Variants in MRI1 observed in about 807,000 individuals in gnomAD.
MRI1 encodes methylthioribose-1-phosphate isomerase 1, also known as methylthioribose-1-phosphate isomerase.
A neutral mutation model predicts 27.3 loss-of-function variants in MRI1; 32 were observed. The ratio of observed to expected loss-of-function variants is 1.17; its 90% CI spans 0.88 to 1.57. The LOEUF (loss-of-function observed/expected upper bound fraction) is 1.57. Ranked by LOEUF, MRI1 falls within the 40% of genes most tolerant of loss-of-function variation. The probability of loss-of-function intolerance (pLI) is 0.00; values close to 1 mark genes in which losing one functional copy is unlikely to be tolerated. For missense variants in MRI1, 508 were observed against 516.1 expected (o/e 0.98, Z 0.15); for synonymous variants, 216 against 227.4 (o/e 0.95, Z 0.45).
chr19:13,771,882 A>G (rs1037548183), intron 5 of MRI1, among the ~76,000 whole-genome samples: 3 of 152,180 alleles, frequency 2.0e-5, no homozygotes, highest in Non-Finnish European at 4.4e-5. Context: ...AATAAGTGGC[A>G]TAGATGTGTA....
At chr19:13,769,664 G>A (rs1488181392) in intron 5 of MRI1, among the ~76,000 whole-genome samples, 2 of 152,074 alleles carry the variant, frequency 1.3e-5, no homozygotes, top group South Asian at 2.1e-4. Context: ...GCTCACACCT[G>A]TAATCCCAGC....
chr19:13,774,167 C>A lies in MRI1; in HGVS notation c.*1886C>A, dbSNP rs942260972. 4.1e-5 allele frequency: 12 copies of A among 289,266 alleles called. No homozygotes were observed. The highest frequency in any genetic ancestry group is 7.7e-5 in the Non-Finnish European group (12 of 156,430). 17.9% of individuals were successfully genotyped at this position (289,266 alleles called of 1,614,324 possible). A position where few individuals can be genotyped will look rare whatever the true frequency, so the allele number is the denominator to read the frequency against. On this transcript the variant is annotated 3_prime_UTR_variant, in exon 6 of 6. Coordinates refer to ENST00000040663, the MANE Select transcript of MRI1 (RefSeq NM_001031727.4). ...TTTTTGAACCTTCTTAAATTCTGTA[C>A]CAGAGGTGAGTGCCACACCCTAACC... is the stretch of plus-strand genomic sequence containing the variant.
chr19:13,764,534 A>T lies in MRI1; in HGVS notation c.-55A>T. 6.3e-7 allele frequency: 1 copy of T among 1,586,944 alleles called. No individual in the cohort carries two copies. The highest frequency in any genetic ancestry group is 8.6e-7 in the Non-Finnish European group (1 of 1,168,164). On this transcript the variant is annotated 5_prime_UTR_variant, in exon 1 of 6. It adds an upstream start codon to the 5' untranslated region. Coordinates refer to ENST00000040663, the MANE Select transcript of MRI1 (RefSeq NM_001031727.4). ...CGCCCACGGCCCCGCCCCGCTCCCA[A>T]GTGCGCGCGGACCCCTAGCTCCCTC...
At chr19:13,769,604 C>G (rs1408782682) in intron 5 of MRI1, among the ~76,000 whole-genome samples, 1 of 152,256 alleles carries the variant, frequency 6.6e-6, no homozygotes, top group African/African-American at 2.4e-5. Context: ...ATAAGAATAT[C>G]TGGCTGGCCA....
Position 13,768,898 on chromosome 19 carries a change from A to G in MRI1, c.799A>G (p.Ile267Val), listed in dbSNP as rs1312246839. 3 of 1,614,066 alleles carry G rather than the reference A, an allele frequency of 1.9e-6. No individual in the cohort carries two copies. The highest frequency in any genetic ancestry group is 2.2e-5 in the South Asian group (2 of 91,084). The change falls in exon 5 of 6, where the codon ATT becomes GTT. Residue 267 changes from isoleucine (I) to valine (V), a missense_variant. Physicochemically the swap from Ile to Val is conservative, Grantham distance 29. Coordinates refer to ENST00000040663, the MANE Select transcript of MRI1 (RefSeq NM_001031727.4). ...ANKVGTYQLA[I>V]VAKHHGIPFY... ...CAAGGTGGGCACCTACCAGCTGGCCATTGTCGCCAAGCACCATGGCATTCC... is the reference window on the plus strand; with the variant it reads ...CAAGGTGGGCACCTACCAGCTGGCCGTTGTCGCCAAGCACCATGGCATTCC...
chr19:13,769,025 A>G lies in MRI1; in HGVS notation c.926A>G (p.Asn309Ser). ...CCGGGCCAGGAGCTGACCGATGTTA[A>G]TGGGGTCCGGATTGCAGCACCTGGT... ...ERPGQELTDV[N>S]GVRIAAPGIG... is the part of the protein sequence containing the mutation. Residue 309 changes from asparagine to serine, a missense_variant, in exon 5 of 6, where the codon AAT (asparagine) becomes AGT (serine). Transcript: ENST00000040663. 1 of 1,612,846 alleles carries G rather than the reference A, an allele frequency of 6.2e-7. No homozygotes were observed. The highest frequency in any genetic ancestry group is 1.1e-5 in the South Asian group (1 of 90,910).
intron 5 of MRI1, among the ~76,000 whole-genome samples, chr19:13,769,919 C>CAA (rs796381451): frequency 7.7e-6 from 1 of 130,578 alleles, no homozygotes; most frequent in African/African-American, 2.8e-5. Context: ...GATTCTGTCT[C>CAA]AAAAAAAAAA....
At position 13,765,973 on chromosome 19, in the gene MRI1, G is replaced by GA. The variant is rs958782128; in HGVS notation, c.392dup (p.Asp131GlufsTer39). On this transcript the variant is annotated frameshift_variant, in exon 3 of 6. Coordinates refer to ENST00000040663, the MANE Select transcript of MRI1 (RefSeq NM_001031727.4). LOFTEE classifies it high-confidence loss of function. ...CCCCAGAGTGATCTGCTGCACCGAGGACATGCTGGAGAAAGACCTCAGAGA... is the reference window on the plus strand; with the variant it reads ...CCCCAGAGTGATCTGCTGCACCGAGGAACATGCTGGAGAAAGACCTCAGAGA... 1.9e-6 allele frequency: 3 copies of GA among 1,607,620 alleles called. No individual in the cohort carries two copies. The African/African-American group carries it at 4.0e-5, about 22-fold the overall frequency.
At chr19:13,765,843 T>G in intron 2 of MRI1, 111 bp from the exon 3 acceptor site, 13 of 1,240,764 alleles carry the variant, frequency 1.0e-5, no homozygotes, top group Non-Finnish European at 1.3e-5. Context: ...CCCACAGCAA[T>G]GAGAGGCTTT....
intron 3 of MRI1, among the ~76,000 whole-genome samples, chr19:13,767,006 C>CATAT (rs1491354474): frequency 1.4e-5 from 1 of 69,562 alleles, no homozygotes; most frequent in Admixed American, 1.8e-4. Context: ...TATGCACATC[C>CATAT]ACATATATAT....
intron 2 of MRI1, among the ~76,000 whole-genome samples, 177 bp from the exon 3 acceptor site, chr19:13,765,777 T>C (rs1288850787): frequency 6.6e-6 from 1 of 152,220 alleles, no homozygotes; most frequent in Non-Finnish European, 1.5e-5. Context: ...GGTAAACATG[T>C]CTTTGCATGA....
intron 3 of MRI1, among the ~76,000 whole-genome samples, chr19:13,767,972 C>T (rs1407840658): frequency 6.8e-6 from 1 of 148,134 alleles, no homozygotes; most frequent in African/African-American, 2.5e-5. Flanking sequence ...AGGTTCACGC[C>T]ATTCTCCTGC....
At position 13,769,961 on chromosome 19, in the gene MRI1, T is replaced by C. The variant is rs562656548; in HGVS notation, c.949+913T>C. ...AGAAAAAGCAAGATATTTCTACACTTATTTTTATTTGTTTATTTTCATAGA... is the reference window on the plus strand; with the variant it reads ...AGAAAAAGCAAGATATTTCTACACTCATTTTTATTTGTTTATTTTCATAGA... On this transcript the variant is annotated intron_variant, in intron 5 of 5. Transcript: ENST00000040663. Among the ~76,000 whole-genome samples, 24 of 152,080 alleles carry C rather than the reference T, an allele frequency of 1.6e-4. No homozygotes were observed. The South Asian group carries it at 5.0e-3, about 32-fold the overall frequency.
chr19:13,768,588 G>T lies in MRI1; in HGVS notation c.575G>T (p.Gly192Val). The T allele has an allele frequency of 6.2e-7, 1 of 1,610,096 alleles. No homozygotes were observed. Among genetic ancestry groups the T allele is most frequent in the Non-Finnish European group, 8.5e-7 (1 of 1,178,696 alleles). The change falls in exon 4 of 6, where the codon GGC becomes GTC. Residue 192 changes from glycine (G) to valine (V), a missense_variant. Physicochemically the swap from Gly to Val is moderately radical, Grantham distance 109. Around this residue, in one of 3 missense-constraint regions of MRI1, gnomAD observed 457 missense variants for 452.8 expected, o/e 1.01. Coordinates refer to ENST00000040663, the MANE Select transcript of MRI1 (RefSeq NM_001031727.4). ...LGVIRSLHSLGRLEHAFCTET... is the reference protein window; with the variant it reads ...LGVIRSLHSLVRLEHAFCTET... ...GTGATTCGCTCACTGCACAGCCTGG[G>T]CCGCCTGGAGCATGCCTTCTGCACA... is the stretch of plus-strand genomic sequence containing the variant.
At chr19:13,770,067 C>G (rs1974237520) in intron 5 of MRI1, among the ~76,000 whole-genome samples, 1 of 152,210 alleles carries the variant, frequency 6.6e-6, no homozygotes. Flanking sequence ...TCCCAAAGCA[C>G]TGAGATTACA....
At position 13,764,549 on chromosome 19, in the gene MRI1, C is replaced by A. The variant is rs751137137; in HGVS notation, c.-40C>A. On this transcript the variant is annotated 5_prime_UTR_variant, in exon 1 of 6. Coordinates refer to ENST00000040663, the MANE Select transcript of MRI1 (RefSeq NM_001031727.4). ...CCCGCTCCCAAGTGCGCGCGGACCC[C>A]TAGCTCCCTCTGAGTTGCGCTGGGC... is the stretch of plus-strand genomic sequence containing the variant. 10 of 1,595,826 alleles carry A rather than the reference C, an allele frequency of 6.3e-6. No homozygotes were observed. The highest frequency in any genetic ancestry group is 7.7e-6 in the Non-Finnish European group (9 of 1,172,344).
chr19:13,769,187 G>C, intron 5 of MRI1, 139 bp downstream of exon 5: 1 of 739,100 alleles, frequency 1.4e-6, no homozygotes, highest in Non-Finnish European at 2.2e-6. Context: ...TTTTTGAGAT[G>C]GAGTCTTGCT....
chr19:13,764,533 A>C lies in MRI1; in HGVS notation c.-56A>C, dbSNP rs375984822. 6.3e-6 allele frequency: 10 copies of C among 1,585,590 alleles called. No individual in the cohort carries two copies. The highest frequency in any genetic ancestry group is 2.7e-5 in the African/African-American group (2 of 74,064). On this transcript the variant is annotated 5_prime_UTR_variant, in exon 1 of 6. Coordinates refer to ENST00000040663, the MANE Select transcript of MRI1 (RefSeq NM_001031727.4). ...CCGCCCACGGCCCCGCCCCGCTCCC[A>C]AGTGCGCGCGGACCCCTAGCTCCCT... is the stretch of plus-strand genomic sequence containing the variant.
chr19:13,769,200 G>A, intron 5 of MRI1, 152 bp downstream of exon 5: 1 of 695,778 alleles, frequency 1.4e-6, no homozygotes. Flanking sequence ...GTCTTGCTCT[G>A]TCCCTCAGGC....
Sources: gnomAD v4.1 joint callset for allele counts (sites outside exome capture counted in the v4.1 genomes callset) on GRCh38, gnomAD v4.1.1 for gene constraint, gnomAD v4.1.1 regional missense constraint, MANE v1.5 for transcripts, NCBI Gene and HGNC (gene_info 2026-07-23, HGNC 2026-07-21) for gene names.